The following CATSPERE variants were observed in gnomAD, a reference collection of about 807,000 sequenced individuals.
CATSPERE encodes cation channel sperm-associated auxiliary subunit epsilon.
CATSPERE carries 93 observed loss-of-function variants against 114.1 expected under a neutral mutation model. That is an observed-to-expected ratio of 0.81 (90% CI 0.69 to 0.97). The LOEUF is 0.97. Ranked by LOEUF, CATSPERE falls within the 50% of genes least tolerant of loss-of-function variation. The pLI is 0.00. For missense variants in CATSPERE, 1,058 were observed against 1,131.6 expected, an observed-to-expected ratio of 0.93 and a Z score of 0.93; for synonymous variants, 341 against 384.1, an observed-to-expected ratio of 0.89 and a Z score of 1.31.
At chr1:244,456,000 T>C (rs1467880963) in intron 1 of CATSPERE, among the ~76,000 whole-genome samples, 1 of 152,112 alleles carries the variant, frequency 6.6e-6, no homozygotes, top group African/African-American at 2.4e-5. Flanking sequence ...TGGCTAATAG[T>C]AGTTACGGAG....
At chr1:244,493,472 T>C (rs1229186156) in intron 6 of CATSPERE, among the ~76,000 whole-genome samples, 2 of 152,122 alleles carry the variant, frequency 1.3e-5, no homozygotes, top group Non-Finnish European at 1.5e-5. Flanking sequence ...AAGACTTACA[T>C]GTTAGACCTA....
upstream of CATSPERE, among the ~76,000 whole-genome samples, chr1:244,456,509 A>G (rs1336349481): frequency 2.0e-5 from 3 of 152,320 alleles, 1 homozygote; most frequent in Admixed American, 6.5e-5. Context: ...AGAAATTTTA[A>G]TGCCTTTTTA....
chr1:244,467,576 A>G (rs923416156), intron 2 of CATSPERE, among the ~76,000 whole-genome samples: 2 of 152,228 alleles, frequency 1.3e-5, no homozygotes, highest in Admixed American at 1.3e-4. Flanking sequence ...AGTGTTGAAT[A>G]TATACGTATC....
chr1:244,604,592 C>T (rs10927278), intron 17 of CATSPERE, among the ~76,000 whole-genome samples: 6 of 152,196 alleles, frequency 3.9e-5, no homozygotes, highest in Admixed American at 6.5e-5. Flanking sequence ...GAAGGTGGGG[C>T]GACAGTCCCA....
At chr1:244,452,047 G>C (rs902716712), upstream of CATSPERE, 3 of 377,228 alleles carry the variant, frequency 8.0e-6, no homozygotes, top group Non-Finnish European at 1.4e-5. Context: ...CGGCAGCACC[G>C]CCCGCAGGAA....
At chr1:244,637,114 C>A (rs1051715378) in intron 21 of CATSPERE, among the ~76,000 whole-genome samples, 31 of 152,114 alleles carry the variant, frequency 2.0e-4, no homozygotes, top group African/African-American at 7.5e-4. Context: ...CTTTCACCTG[C>A]CATGTACCTC....
intron 19 of CATSPERE, among the ~76,000 whole-genome samples, chr1:244,615,239 CAAAAAAA>C (rs568497256): frequency 1.4e-5 from 1 of 69,284 alleles, no homozygotes; most frequent in Non-Finnish European, 3.3e-5. Flanking sequence ...TTGGGCAGAC[CAAAAAAA>C]AAAAAAAAAA....
intron 10 of CATSPERE, among the ~76,000 whole-genome samples, chr1:244,563,301 A>T (rs1221892210): frequency 6.6e-6 from 1 of 152,240 alleles, no homozygotes; most frequent in Non-Finnish European, 1.5e-5. Context: ...TGCTCAGTCA[A>T]ATGGTATTTC....
intron 13 of CATSPERE, 69 bp downstream of exon 13, chr1:244,584,008 C>A: frequency 8.3e-7 from 1 of 1,205,572 alleles, no homozygotes; most frequent in Non-Finnish European, 1.2e-6. Context: ...CCAAATAATG[C>A]ATACAATACC....
rs576560764 is a variant in CATSPERE, at chr1:244,621,181, T to TTATATAAATATATCTATATTA, written c.2648+3501_2648+3502insAATATATCTATATTATATATA. 4.5e-5 allele frequency among the ~76,000 whole-genome samples: 2 copies of TTATATAAATATATCTATATTA among 44,754 alleles called. 1 individual carries two copies. Among genetic ancestry groups the TTATATAAATATATCTATATTA allele is most frequent in the Non-Finnish European group, 7.4e-5 (2 of 27,102 alleles). The allele number at this position is 44,754 out of a possible 152,430, so 29.4% of individuals were successfully genotyped here. A position where few individuals can be genotyped will look rare whatever the true frequency, so the allele number is the denominator to read the frequency against. ...ATATATATATTATATATAGATATAT[T>TTATATAAATATATCTATATTA]TATATAGATATATTTATATAGATAT... On this transcript the variant is annotated intron_variant, in intron 20 of 21. Transcript: ENST00000366534.
At chr1:244,613,809 T>A (rs2813911) in intron 19 of CATSPERE, among the ~76,000 whole-genome samples, 151,518 of 152,346 alleles carry the variant, frequency 0.99, 75,355 homozygotes, top group Middle Eastern at 1. Context: ...TAAAATTCCA[T>A]CTCCAGTACA....
chr1:244,532,121 C>T (rs1370415551), intron 8 of CATSPERE, among the ~76,000 whole-genome samples: 4 of 152,044 alleles, frequency 2.6e-5, no homozygotes, highest in Non-Finnish European at 4.4e-5. Context: ...CATATAGTTG[C>T]TCATAGTAGC....
chr1:244,620,710 T>C (rs905043721), intron 20 of CATSPERE, among the ~76,000 whole-genome samples: 2 of 152,012 alleles, frequency 1.3e-5, no homozygotes, highest in Non-Finnish European at 2.9e-5. Context: ...ACCTTTTAAA[T>C]GCGTGGCCAC....
At chr1:244,632,693 T>TA (rs532591231) in intron 20 of CATSPERE, among the ~76,000 whole-genome samples, 40 of 151,878 alleles carry the variant, frequency 2.6e-4, no homozygotes, top group East Asian at 5.8e-4. Flanking sequence ...GTGGAATCAT[T>TA]AAAAAAACTT....
At chr1:244,615,521 A>G (rs1671265786) in intron 19 of CATSPERE, among the ~76,000 whole-genome samples, 2 of 151,662 alleles carry the variant, frequency 1.3e-5, no homozygotes, top group African/African-American at 4.9e-5. Context: ...GATATGATAG[A>G]GCCTATTGCT....
intron 18 of CATSPERE, among the ~76,000 whole-genome samples, chr1:244,609,865 G>T (rs1054231682): frequency 6.6e-6 from 1 of 152,048 alleles, no homozygotes; most frequent in Non-Finnish European, 1.5e-5. Flanking sequence ...ACATAGCGAG[G>T]CTCCATCTCT....
Position 244,633,480 on chromosome 1 carries a change from A to C in CATSPERE, c.2649-2009A>C, listed in dbSNP as rs1674223588. Among the ~76,000 whole-genome samples, 1 of 152,144 alleles carries C rather than the reference A, an allele frequency of 6.6e-6. No individual in the cohort carries two copies. Among genetic ancestry groups the C allele is most frequent in the Admixed American group, 6.6e-5 (1 of 15,260 alleles). ...TTTTCCATATGGCCCACTTACATCT[A>C]ATCTATTCCAAATCACTTTACAAAC... On this transcript the variant is annotated intron_variant, in intron 20 of 21. Coordinates refer to ENST00000366534, the MANE Select transcript of CATSPERE (RefSeq NM_001130957.2). The surrounding 1 kb of genome is among the most constrained non-coding windows in gnomAD (Gnocchi z 4.1).
At chr1:244,605,061 C>T (rs1364193557) in intron 17 of CATSPERE, among the ~76,000 whole-genome samples, 3 of 152,168 alleles carry the variant, frequency 2.0e-5, no homozygotes, top group African/African-American at 7.2e-5. Context: ...TGCTTCTCAG[C>T]CTCACCTCGA....
Position 244,568,609 on chromosome 1 carries a change from A to G in CATSPERE, c.1508-3721A>G, listed in dbSNP as rs1663958760. Among the ~76,000 whole-genome samples the G allele has an allele frequency of 6.6e-6, 1 of 151,894 alleles. No individual in the cohort carries two copies. The highest frequency in any genetic ancestry group is 6.6e-5 in the Admixed American group (1 of 15,256). On this transcript the variant is annotated intron_variant, in intron 10 of 21. Transcript: ENST00000366534. The surrounding 1 kb of genome is among the most constrained non-coding windows in gnomAD (Gnocchi z 4.4). Reference sequence around the variant, plus strand: ...TGCCGAGCTGTGGTGGGCTCCGCCCAGTTAGAACTTCCTGGCAGCTTTATT... The same window carrying G: ...TGCCGAGCTGTGGTGGGCTCCGCCCGGTTAGAACTTCCTGGCAGCTTTATT...
Sources: gnomAD v4.1 joint callset for allele counts (sites outside exome capture counted in the v4.1 genomes callset) on GRCh38, gnomAD v4.1.1 for gene constraint, Gnocchi (gnomAD v3.1) non-coding constraint, MANE v1.5 for transcripts, NCBI Gene and HGNC (gene_info 2026-07-23, HGNC 2026-07-21) for gene names.